Variants in SNU13 observed in about 807,000 individuals in gnomAD.
The protein encoded by SNU13 is small nuclear ribonucleoprotein 13.
Under a neutral mutation model 12.4 loss-of-function variants are expected in SNU13, and 2 were observed. The observed-to-expected ratio is 0.16, with a 90% CI of 0.07 to 0.51. The LOEUF (loss-of-function observed/expected upper bound fraction) is 0.51. SNU13 is among the 20% of genes least tolerant of loss of function. The pLI is 0.96. For missense variants in SNU13, 66 were observed against 157.8 expected (o/e 0.42, Z 3.12); for synonymous variants, 68 against 66.5 (o/e 1.02, Z -0.11).
At position 41,674,934 on chromosome 22, in the gene SNU13, T is replaced by C. The variant is rs1317676812; in HGVS notation, c.386A>G (p.Ter129=). The part of the protein sequence containing the change: ...IQQSIERLLV[*] Reference sequence around the variant, plus strand: ...GAGCACGTGGCAGAGGCCACAGGTTTAGACTAAGAGCCTTTCAATGGACTG... The same window carrying C: ...GAGCACGTGGCAGAGGCCACAGGTTCAGACTAAGAGCCTTTCAATGGACTG... Residue 129 remains the stop codon, a stop_retained_variant, in exon 3 of 3, where the codon TAA becomes TGA. Coordinates refer to ENST00000401959, the MANE Select transcript of SNU13 (RefSeq NM_001003796.2). The C allele has an allele frequency of 1.2e-6, 2 of 1,612,772 alleles. No individual in the cohort carries two copies. The highest frequency in any genetic ancestry group is 1.1e-5 in the South Asian group (1 of 91,028).
rs779596057 is a variant in SNU13, at chr22:41,680,368, T to C, written c.4-4A>G. ...TTGGATTCACATCAGCCTCAGTCTA[T>C]GGGGGGGACATAAAAATATCAGACA... On this transcript the variant is annotated splice_region_variant and splice_polypyrimidine_tract_variant and intron_variant, in intron 1 of 2. Coordinates refer to ENST00000401959, the MANE Select transcript of SNU13 (RefSeq NM_001003796.2). 1.1e-5 allele frequency: 18 copies of C among 1,602,466 alleles called. No homozygotes were observed. The East Asian group carries it at 3.4e-4, about 30-fold the overall frequency.
upstream of SNU13, chr22:41,688,990 A>C (rs1035304198): frequency 8.3e-6 from 11 of 1,324,886 alleles, no homozygotes; most frequent in Non-Finnish European, 1.1e-5. Flanking sequence ...CCCTGTGTCG[A>C]AGAAGGAACG....
chr22:41,689,163 AC>A, upstream of SNU13: 1 of 922,178 alleles, frequency 1.1e-6, no homozygotes. Flanking sequence ...GGAGTTCGAG[AC>A]CAGCCTGGCC....
At chr22:41,675,822 C>T (rs952816627) in intron 2 of SNU13, among the ~76,000 whole-genome samples, 1 of 150,006 alleles carries the variant, frequency 6.7e-6, no homozygotes, top group African/African-American at 2.5e-5. Context: ...GCAATCTTGG[C>T]TCATTGCAAC....
chr22:41,683,902 T>G lies in SNU13; in HGVS notation c.4-3538A>C, dbSNP rs76131599. ...CACACAGGAGTTTAGGAGCAGGGTT[T>G]TTTTTTGTTGTTTTTTTTGAGATGG... is the stretch of plus-strand genomic sequence containing the variant. On this transcript the variant is annotated intron_variant, in intron 1 of 2. Coordinates refer to ENST00000401959, the MANE Select transcript of SNU13 (RefSeq NM_001003796.2). Among the ~76,000 whole-genome samples, 1,037 of 152,158 alleles carry G rather than the reference T, an allele frequency of 6.8e-3. 7 individuals carry two copies. Among genetic ancestry groups the G allele is most frequent in the African/African-American group, 0.024 (990 of 41,510 alleles).
Position 41,685,202 on chromosome 22 carries a change from G to GTC in SNU13, c.3+3590_3+3591dup, listed in dbSNP as rs371980184. ...ACACCCTTTTTGTTGTTGAGACAGGGTCTCACTCTATCACTGAGACCAGAG... is the reference window on the plus strand; with the variant it reads ...ACACCCTTTTTGTTGTTGAGACAGGGTCTCTCACTCTATCACTGAGACCAGAG... On this transcript the variant is annotated intron_variant, in intron 1 of 2. Coordinates refer to ENST00000401959, the MANE Select transcript of SNU13 (RefSeq NM_001003796.2). 1.3e-3 allele frequency among the ~76,000 whole-genome samples: 193 copies of GTC among 151,498 alleles called. 2 individuals are homozygous for GTC. The highest frequency in any genetic ancestry group is 4.5e-3 in the African/African-American group (184 of 41,264).
At chr22:41,677,206 T>A (rs1411253307) in intron 2 of SNU13, among the ~76,000 whole-genome samples, 1 of 152,152 alleles carries the variant, frequency 6.6e-6, no homozygotes, top group Non-Finnish European at 1.5e-5. Flanking sequence ...CTTAATAGGA[T>A]TATTGAAAGG....
chr22:41,685,154 C>CAAAA (rs71184830), intron 1 of SNU13, among the ~76,000 whole-genome samples: 5 of 117,950 alleles, frequency 4.2e-5, no homozygotes, highest in African/African-American at 9.8e-5. Context: ...AACTCCATCT[C>CAAAA]AAAAAAAAAA....
At chr22:41,680,454 G>C in intron 1 of SNU13, 90 bp from the exon 2 acceptor site, 3 of 1,420,084 alleles carry the variant, frequency 2.1e-6, no homozygotes, top group Admixed American at 1.9e-5. Flanking sequence ...TGAGACACAG[G>C]GGGCAGCTGC....
upstream of SNU13, chr22:41,689,099 T>C (rs1381540726): frequency 2.7e-6 from 3 of 1,118,842 alleles, no homozygotes; most frequent in African/African-American, 3.2e-5. Context: ...CAGCGGCTTA[T>C]GGCTGTAATC....
At chr22:41,678,448 G>A (rs2068233661) in intron 2 of SNU13, among the ~76,000 whole-genome samples, 1 of 152,188 alleles carries the variant, frequency 6.6e-6, no homozygotes. Flanking sequence ...ACCTGACACT[G>A]AGGCAGAAGT....
chr22:41,688,854 A>C lies in SNU13; in HGVS notation c.-58T>G. 4 of 1,538,204 alleles carry C rather than the reference A, an allele frequency of 2.6e-6. 1 individual carries two copies. The South Asian group carries it at 4.6e-5, about 18-fold the overall frequency. On this transcript the variant is annotated 5_prime_UTR_variant, in exon 1 of 3. Coordinates refer to ENST00000401959, the MANE Select transcript of SNU13 (RefSeq NM_001003796.2). ...GGAGCGCAGCTGACGTTTCAGAAGC[A>C]CTCGCGTGCACCGGAAAAACTCACA...
upstream of SNU13, chr22:41,689,227 G>A: frequency 7.6e-6 from 3 of 394,114 alleles, no homozygotes; most frequent in Non-Finnish European, 1.0e-5. Context: ...GCCAGGCGTG[G>A]TGGCGGGCGC....
upstream of SNU13, chr22:41,688,874 C>G: frequency 6.6e-7 from 1 of 1,504,910 alleles, no homozygotes. Flanking sequence ...ACCGGAAAAA[C>G]TCACAGAAGC....
upstream of SNU13, chr22:41,690,311 C>T (rs1270675847): frequency 1.3e-5 from 9 of 672,514 alleles, no homozygotes; most frequent in Admixed American, 2.3e-5. Flanking sequence ...TCAAGCAGAC[C>T]GCAGGTTATA....
intron 1 of SNU13, among the ~76,000 whole-genome samples, chr22:41,682,048 AC>A (rs2068268235): frequency 6.6e-6 from 1 of 152,022 alleles, no homozygotes; most frequent in African/African-American, 2.4e-5. Context: ...TCATATTATA[AC>A]CCAGGTGCGG....
chr22:41,677,800 C>T (rs1341616470), intron 2 of SNU13, among the ~76,000 whole-genome samples: 2 of 152,202 alleles, frequency 1.3e-5, no homozygotes, highest in African/African-American at 4.8e-5. Flanking sequence ...CACCAGCCTC[C>T]TTAGAATCCC....
At chr22:41,686,535 G>A (rs1445200510) in intron 1 of SNU13, among the ~76,000 whole-genome samples, 1 of 150,950 alleles carries the variant, frequency 6.6e-6, no homozygotes, top group Non-Finnish European at 1.5e-5. Context: ...CCTGACCTAA[G>A]GTGATCCACC....
At chr22:41,678,980 C>A (rs1569107611) in intron 2 of SNU13, among the ~76,000 whole-genome samples, 1 of 152,240 alleles carries the variant, frequency 6.6e-6, no homozygotes, top group Non-Finnish European at 1.5e-5. Context: ...TCTGGCTGGG[C>A]ATGGTAGCTC....
Sources: gnomAD v4.1 joint callset for allele counts (sites outside exome capture counted in the v4.1 genomes callset) on GRCh38, gnomAD v4.1.1 for gene constraint, MANE v1.5 for transcripts, NCBI Gene and HGNC (gene_info 2026-07-23, HGNC 2026-07-21) for gene names.